C3orf49: variants seen among roughly 807,000 people sequenced by gnomAD.
The protein encoded by C3orf49 is chromosome 3 open reading frame 49.
C3orf49 carries 27 observed loss-of-function variants against 13.3 expected under a neutral mutation model. The observed-to-expected ratio is 2.02, with a 90% CI of 1.49 to 2.79. The LOEUF is 2.79. Among genes scored for constraint, C3orf49 ranks in the 30% most tolerant of loss-of-function variants. C3orf49 has a pLI of 0.00. For synonymous variants in C3orf49, 87 were observed against 47.6 expected, an observed-to-expected ratio of 1.83 and a Z score of -3.40; for missense variants, 242 against 134.2, an observed-to-expected ratio of 1.80 and a Z score of -3.97.
the C3orf49 span, among the ~76,000 whole-genome samples, chr3:63,796,193 A>G: frequency 6.6e-6 from 1 of 152,208 alleles, no homozygotes; most frequent in Middle Eastern, 3.4e-3. Flanking sequence ...ATAACTTCTC[A>G]TCACCCCAAC....
chr3:63,806,073 C>T, the C3orf49 span, among the ~76,000 whole-genome samples: 1 of 152,186 alleles, frequency 6.6e-6, no homozygotes, highest in Non-Finnish European at 1.5e-5. Flanking sequence ...GCTTCTCCTG[C>T]ACAAAGGATA....
the C3orf49 span, among the ~76,000 whole-genome samples, chr3:63,813,617 G>A: frequency 6.6e-6 from 1 of 152,204 alleles, no homozygotes; most frequent in Non-Finnish European, 1.5e-5. Context: ...CTTTACTCCA[G>A]CTGCACCTTT....
At chr3:63,783,014 C>G in the C3orf49 span, 1 of 151,970 alleles carries the variant, frequency 6.6e-6, no homozygotes, top group Non-Finnish European at 1.5e-5. Flanking sequence ...TAAGAGTGCT[C>G]GAAATGATGA....
intron 5 of C3orf49, among the ~76,000 whole-genome samples, chr3:63,844,613 G>A (rs1485501382): frequency 6.6e-6 from 1 of 152,194 alleles, no homozygotes; most frequent in Non-Finnish European, 1.5e-5. Flanking sequence ...CTGATGAACA[G>A]GCTTATGCAG....
chr3:63,797,614 C>T, the C3orf49 span, among the ~76,000 whole-genome samples: 1 of 152,188 alleles, frequency 6.6e-6, no homozygotes, highest in Non-Finnish European at 1.5e-5. Context: ...TCCTACCAGT[C>T]TATGGTTCCA....
the C3orf49 span, among the ~76,000 whole-genome samples, chr3:63,801,322 G>A: frequency 6.6e-6 from 1 of 151,776 alleles, no homozygotes; most frequent in Non-Finnish European, 1.5e-5. Flanking sequence ...GAAAGAGACA[G>A]AGATGAGAAA....
In C3orf49 at chr3:63,823,397, G is replaced by A; in HGVS notation, c.273G>A (p.Gly91=). The A allele has an allele frequency of 1.4e-6, 1 of 703,272 alleles. No individual in the cohort carries two copies. Among genetic ancestry groups the A allele is most frequent in the Non-Finnish European group, 2.6e-6 (1 of 385,092 alleles). 43.6% of individuals were successfully genotyped at this position (703,272 alleles called of 1,614,324 possible). A position where few individuals can be genotyped will look rare whatever the true frequency, so the allele number is the denominator to read the frequency against. ...NLKTKVKTAF[G]RMLSYKYRSK... is the part of the protein sequence containing the mutation. ...AGACGAAAGTGAAGACTGCTTTTGG[G>A]AGGATGCTGTCCTACAAGTATAGAA... The change falls in exon 2 of 7, where the codon GGG becomes GGA. Residue 91 remains glycine, a synonymous_variant. Transcript: ENST00000295896.
At chr3:63,841,473 T>A (rs954408167) in intron 5 of C3orf49, among the ~76,000 whole-genome samples, 3 of 152,180 alleles carry the variant, frequency 2.0e-5, no homozygotes, top group Non-Finnish European at 2.9e-5. Context: ...AACAGCAAAA[T>A]CTTTAAACAA....
At chr3:63,824,795 C>T (rs1169581275) in intron 2 of C3orf49, among the ~76,000 whole-genome samples, 2 of 149,048 alleles carry the variant, frequency 1.3e-5, no homozygotes, top group African/African-American at 5.0e-5. Flanking sequence ...CAAGATTATG[C>T]CACTGCACTC....
the C3orf49 span, among the ~76,000 whole-genome samples, chr3:63,790,158 C>A: frequency 6.6e-6 from 1 of 152,116 alleles, no homozygotes; most frequent in African/African-American, 2.4e-5. Context: ...CTCCTGAGAG[C>A]CTCTATCCAT....
chr3:63,826,783 G>A (rs1029114511), intron 2 of C3orf49: 2 of 152,074 alleles, frequency 1.3e-5, no homozygotes, highest in African/African-American at 4.8e-5. Context: ...CAAGGAAAAT[G>A]TCTCATTTAG....
intron 2 of C3orf49, chr3:63,826,956 A>G (rs1367113565): frequency 1.3e-5 from 2 of 152,224 alleles, no homozygotes; most frequent in South Asian, 2.1e-4. Context: ...CTCAGAAAAA[A>G]AAAAAGAAAA....
the C3orf49 span, among the ~76,000 whole-genome samples, chr3:63,791,934 C>T: frequency 3.3e-5 from 5 of 152,146 alleles, no homozygotes; most frequent in Admixed American, 3.3e-4. Flanking sequence ...CTTCATCTTG[C>T]GTGAAAAGAC....
chr3:63,823,870 G>A (rs958925693), intron 2 of C3orf49, among the ~76,000 whole-genome samples: 15 of 150,276 alleles, frequency 1.0e-4, no homozygotes, highest in Admixed American at 2.0e-4. Flanking sequence ...GCATGATCTC[G>A]GCTCACTGCA....
chr3:63,813,712 G>A, the C3orf49 span, among the ~76,000 whole-genome samples: 480 of 152,198 alleles, frequency 3.2e-3, 2 homozygotes, highest in African/African-American at 9.5e-3. Flanking sequence ...TACACTTCCC[G>A]AGACACAGTT....
the C3orf49 span, among the ~76,000 whole-genome samples, chr3:63,811,349 G>C: frequency 6.6e-6 from 1 of 151,620 alleles, no homozygotes; most frequent in Non-Finnish European, 1.5e-5. Flanking sequence ...ACGAGGTCAG[G>C]AGATCAAGAC....
chr3:63,783,525 T>TACAC, the C3orf49 span, among the ~76,000 whole-genome samples: 7,823 of 131,920 alleles, frequency 0.059, 269 homozygotes, highest in African/African-American at 0.08. Context: ...TACTAAAAAT[T>TACAC]ACACACACAC....
chr3:63,794,808 A>G, the C3orf49 span, among the ~76,000 whole-genome samples: 1 of 152,160 alleles, frequency 6.6e-6, no homozygotes, highest in Non-Finnish European at 1.5e-5. Flanking sequence ...GTCCTGAGGC[A>G]GGAAAATAGG....
rs760053010 is a variant in C3orf49 at position 63,827,723 on chromosome 3, A to G, written c.568A>G (p.Lys190Glu). ...SVTSLPSGLQ[K>E]GPYSPKKRPH... ...GACATCTCTTCCTTCAGGACTGCAA[A>G]AGGTAAAACGCTAAATGAATTTGCC... The change falls in exon 3 of 7, where the codon AAG becomes GAG. Residue 190 changes from lysine to glutamate, a missense_variant and splice_region_variant. By Grantham distance (56) the Lys-to-Glu change is moderately conservative. Transcript: ENST00000295896. 2.8e-6 allele frequency: 2 copies of G among 702,186 alleles called. No individual in the cohort carries two copies. Among genetic ancestry groups the G allele is most frequent in the South Asian group, 3.0e-5 (2 of 67,524 alleles). 43.5% of individuals were successfully genotyped at this position (702,186 alleles called of 1,614,324 possible).
Sources: allele counts gnomAD v4.1 joint callset (sites outside exome capture counted in the v4.1 genomes callset), GRCh38; gene constraint gnomAD v4.1.1; transcripts MANE v1.5; gene names NCBI Gene and HGNC (gene_info 2026-07-23, HGNC 2026-07-21).